ITPR2: variants seen among roughly 807,000 people sequenced by gnomAD.
ITPR2 encodes inositol 1,4,5-trisphosphate-gated calcium channel ITPR2.
ITPR2 carries 207 observed loss-of-function variants against 317.1 expected under a neutral mutation model. The ratio of observed to expected loss-of-function variants is 0.65; its 90% CI spans 0.58 to 0.73. ITPR2 has a LOEUF of 0.73. ITPR2 is among the 30% of genes least tolerant of loss of function. ITPR2 has a pLI of 0.00. For missense variants in ITPR2, 2,613 were observed against 3,284.0 expected (o/e 0.80, Z 4.99); for synonymous variants, 1,156 against 1,149.1 (o/e 1.01, Z -0.12).
intron 39 of ITPR2, among the ~76,000 whole-genome samples, chr12:26,490,503 T>A (rs907502964): frequency 3.3e-5 from 5 of 152,166 alleles, no homozygotes; most frequent in African/African-American, 1.2e-4. Flanking sequence ...GATGCACACA[T>A]GAAGAGGCAA....
intron 13 of ITPR2, among the ~76,000 whole-genome samples, chr12:26,676,655 A>G (rs1276943854): frequency 2.0e-5 from 3 of 152,070 alleles, no homozygotes; most frequent in African/African-American, 7.2e-5. Context: ...GACGTAAAGA[A>G]AGGGGCAGAA....
chr12:26,757,360 T>C (rs891205279), intron 2 of ITPR2, among the ~76,000 whole-genome samples: 1 of 151,908 alleles, frequency 6.6e-6, no homozygotes, highest in Non-Finnish European at 1.5e-5. Flanking sequence ...GGATTATAGG[T>C]GCCCACCACC....
At chr12:26,599,014 C>T (rs1945924524) in intron 30 of ITPR2, 131 bp downstream of exon 30, 1 of 746,744 alleles carries the variant, frequency 1.3e-6, no homozygotes, top group Non-Finnish European at 2.2e-6. Flanking sequence ...TATATTTGCA[C>T]TTGAGTAGTC....
chr12:26,771,801 C>A (rs1949848209), intron 2 of ITPR2, among the ~76,000 whole-genome samples: 2 of 152,158 alleles, frequency 1.3e-5, no homozygotes, highest in Non-Finnish European at 2.9e-5. Flanking sequence ...GCATAAGCCA[C>A]CGTGCCTGGC....
intron 55 of ITPR2, 55 bp downstream of exon 55, chr12:26,387,379 A>T: frequency 6.5e-7 from 1 of 1,529,288 alleles, no homozygotes; most frequent in Non-Finnish European, 9.0e-7. Flanking sequence ...GGTAGAGAAG[A>T]TGAAAGCCTA....
rs753089598 is a variant in ITPR2 at position 26,556,246 on chromosome 12, C to A, written c.4951G>T (p.Ala1651Ser). The A allele has an allele frequency of 4.3e-6, 7 of 1,613,600 alleles. No individual in the cohort carries two copies. Among genetic ancestry groups the A allele is most frequent in the Non-Finnish European group, 5.1e-6 (6 of 1,179,774 alleles). Reference sequence around the variant, plus strand: ...GGATCCACTTACTTCGACATGAAAGCGCCACATCTTATTCTTGCATCGCTT... The same window carrying A: ...GGATCCACTTACTTCGACATGAAAGAGCCACATCTTATTCTTGCATCGCTT... ...EGSDARIRCG[A>S]FMSKLINHTK... Residue 1651 changes from alanine to serine, a missense_variant, in exon 36 of 57, where the codon GCT becomes TCT. By Grantham distance (99) the Ala-to-Ser change is moderately conservative. Around this residue, in one of 9 missense-constraint regions of ITPR2, gnomAD observed 926 missense variants for 1,072.8 expected, o/e 0.86. Transcript: ENST00000381340.
In ITPR2 at chr12:26,663,737, C is replaced by T. The variant is rs781332331; in HGVS notation, c.1661G>A (p.Arg554Gln). 27 of 1,613,948 alleles carry T rather than the reference C, an allele frequency of 1.7e-5. 1 individual carries two copies. Among genetic ancestry groups the T allele is most frequent in the Middle Eastern group, 3.3e-4 (2 of 6,062 alleles). Residue 554 changes from arginine to glutamine, a missense_variant, in exon 15 of 57, where the codon CGG (arginine) becomes CAG (glutamine). Physicochemically the swap from Arg to Gln is conservative, Grantham distance 43. Coordinates refer to ENST00000381340, the MANE Select transcript of ITPR2 (RefSeq NM_002223.4). ...QRYAPYKYML[R>Q]LCYRVLRHSQ... ...GTGTCTCAGGACGCGGTAACAGAGC[C>T]GCAGCATGTACTTGTAGGGTGCATA...
At chr12:26,637,285 T>C (rs748054304) in intron 21 of ITPR2, among the ~76,000 whole-genome samples, 46 of 152,092 alleles carry the variant, frequency 3.0e-4, no homozygotes, top group Admixed American at 5.2e-4. Flanking sequence ...CAGGAAAACA[T>C]AAAATGTGCC....
At chr12:26,405,356 T>C (rs1940315547) in intron 52 of ITPR2, among the ~76,000 whole-genome samples, 1 of 152,194 alleles carries the variant, frequency 6.6e-6, no homozygotes, top group Admixed American at 6.5e-5. Flanking sequence ...GAGATAGTGG[T>C]TAAATCTCAT....
In ITPR2 at chr12:26,550,370, T is replaced by C. The variant is rs1176777163; in HGVS notation, c.4965-15A>G. The C allele has an allele frequency of 9.6e-7, 1 of 1,045,760 alleles. No homozygotes were observed. Among genetic ancestry groups the C allele is most frequent in the Non-Finnish European group, 1.5e-6 (1 of 680,540 alleles). 64.8% of individuals were successfully genotyped at this position (1,045,760 alleles called of 1,614,324 possible). A position where few individuals can be genotyped will look rare whatever the true frequency, so the allele number is the denominator to read the frequency against. The stretch of plus-strand genomic sequence containing the variant: ...GATTAATCAACCTTAAAGCAAAACA[T>C]GAGACCTTTAGAAAGACAGTGATTT... On this transcript the variant is annotated splice_polypyrimidine_tract_variant and intron_variant, in intron 36 of 56. Coordinates refer to ENST00000381340, the MANE Select transcript of ITPR2 (RefSeq NM_002223.4).
At chr12:26,502,196 C>G (rs1473045162) in intron 37 of ITPR2, among the ~76,000 whole-genome samples, 1 of 152,202 alleles carries the variant, frequency 6.6e-6, no homozygotes, top group Non-Finnish European at 1.5e-5. Flanking sequence ...ACCCAACAGA[C>G]CCTTCTACCT....
chr12:26,343,902 G>A (rs1438170393), intron 55 of ITPR2, among the ~76,000 whole-genome samples: 1 of 152,144 alleles, frequency 6.6e-6, no homozygotes, highest in Non-Finnish European at 1.5e-5. Flanking sequence ...GGGTCACCAT[G>A]GTTTGAATGC....
chr12:26,603,941 G>A (rs545355786), intron 26 of ITPR2, among the ~76,000 whole-genome samples: 135 of 152,244 alleles, frequency 8.9e-4, no homozygotes, highest in African/African-American at 3.1e-3. Context: ...GGCATGTCAA[G>A]TTCAATGTGG....
intron 26 of ITPR2, among the ~76,000 whole-genome samples, chr12:26,611,316 T>C (rs1264716566): frequency 2.0e-5 from 3 of 152,176 alleles, no homozygotes; most frequent in African/African-American, 7.2e-5. Context: ...GTTAATTCTG[T>C]TCCTTACATC....
rs554290401 is a variant in ITPR2, at chr12:26,757,745, G to T, written c.164-31980C>A. ...GGTTCTCACACTTTGCATGACTTTT[G>T]AAATACATGAAAATACTTAATTCAA... On this transcript the variant is annotated intron_variant, in intron 2 of 56. Coordinates refer to ENST00000381340, the MANE Select transcript of ITPR2 (RefSeq NM_002223.4). 3.3e-5 allele frequency among the ~76,000 whole-genome samples: 5 copies of T among 152,230 alleles called. 1 individual carries two copies. The South Asian group carries it at 1.0e-3, about 32-fold the overall frequency.
rs147696375 is a variant in ITPR2, at chr12:26,672,358, C to G, written c.1410-6307G>C. Among the ~76,000 whole-genome samples the G allele has an allele frequency of 3.0e-3, 452 of 152,344 alleles. 2 individuals are homozygous for G. The highest frequency in any genetic ancestry group is 0.01 in the African/African-American group (433 of 41,574). On this transcript the variant is annotated intron_variant, in intron 13 of 56. Transcript: ENST00000381340. ...AAATTATAACAAACTATCTCTCAGACTACAGTGCAATCGAACTAGAACTCA... is the reference window on the plus strand; with the variant it reads ...AAATTATAACAAACTATCTCTCAGAGTACAGTGCAATCGAACTAGAACTCA...
At chr12:26,561,396 G>A (rs1265821970) in intron 35 of ITPR2, among the ~76,000 whole-genome samples, 1 of 152,218 alleles carries the variant, frequency 6.6e-6, no homozygotes, top group Non-Finnish European at 1.5e-5. Context: ...TTGGGAGCAA[G>A]GTGCTTGGAT....
At position 26,793,791 on chromosome 12, in the gene ITPR2, G is replaced by A. The variant is rs532881070; in HGVS notation, c.93-3564C>T. ...AATAAACAGTCAACTAATAGGAGAC[G>A]AAAGAGAGATTTGGAAATATTCCCT... On this transcript the variant is annotated intron_variant, in intron 1 of 56. Transcript: ENST00000381340. 2.1e-4 allele frequency among the ~76,000 whole-genome samples: 32 copies of A among 152,246 alleles called. 1 individual carries two copies. In the East Asian group the frequency reaches 3.7e-3, roughly 17 times the overall value.
At position 26,387,509 on chromosome 12, in the gene ITPR2, G is replaced by T. The variant is rs772286379; in HGVS notation, c.7782C>A (p.Tyr2594Ter). ...KSEHNMWHYL[Y>*]FIVLVKVKDP... ...CTTTAACTTTCACCAGGACTATGAA[G>T]TACAAATAATGCCACATATTGTGTT... The change falls in exon 55 of 57, where the codon TAC (tyrosine) becomes TAA (stop). Residue 2594 changes from tyrosine (Y) to a stop codon, truncating the protein, a stop_gained. Coordinates refer to ENST00000381340, the MANE Select transcript of ITPR2 (RefSeq NM_002223.4). LOFTEE classifies it high-confidence loss of function. 12 of 1,613,736 alleles carry T rather than the reference G, an allele frequency of 7.4e-6. No individual in the cohort carries two copies. Among genetic ancestry groups the T allele is most frequent in the Non-Finnish European group, 9.3e-6 (11 of 1,179,764 alleles).
Sources: gnomAD v4.1 joint callset for allele counts (sites outside exome capture counted in the v4.1 genomes callset) on GRCh38, gnomAD v4.1.1 for gene constraint, gnomAD v4.1.1 regional missense constraint, MANE v1.5 for transcripts, NCBI Gene and HGNC (gene_info 2026-07-23, HGNC 2026-07-21) for gene names.